The following TADA2A variants were observed in gnomAD, a reference collection of about 807,000 sequenced individuals.
TADA2A encodes transcriptional adapter 2-alpha.
A neutral mutation model predicts 67.4 loss-of-function variants in TADA2A; 38 were observed. That is an observed-to-expected ratio of 0.56 (90% CI 0.44 to 0.74). The LOEUF is 0.74. Among genes scored for constraint, TADA2A ranks in the 30% least tolerant of loss-of-function variants. The pLI, the probability that TADA2A is intolerant of heterozygous loss-of-function variation, is 0.00. For synonymous variants in TADA2A, 192 were observed against 181.6 expected (o/e 1.06, Z -0.46); for missense variants, 454 against 547.0 (o/e 0.83, Z 1.70).
rs375269486 is a variant in TADA2A at position 37,423,185 on chromosome 17, C to T, written c.26-324C>T. 5.3e-4 allele frequency among the ~76,000 whole-genome samples: 81 copies of T among 152,258 alleles called. 1 individual carries two copies. The South Asian group carries it at 0.016, about 30-fold the overall frequency. ...GTTTCAGGTTACAGTGAGCTATTGT[C>T]AAGCCACTGCACTCCAGCCTGGGTG... On this transcript the variant is annotated intron_variant, in intron 2 of 15. Coordinates refer to ENST00000615182, the MANE Select transcript of TADA2A (RefSeq NM_001166105.3).
chr17:37,444,587 C>T, intron 7 of TADA2A, 109 bp from the exon 8 acceptor site: 1 of 912,244 alleles, frequency 1.1e-6, no homozygotes, highest in South Asian at 1.6e-5. Context: ...ACTTTTTAAA[C>T]AACTGTTTGC....
At chr17:37,439,869 C>T (rs1487694052) in intron 5 of TADA2A, among the ~76,000 whole-genome samples, 1 of 151,394 alleles carries the variant, frequency 6.6e-6, no homozygotes, top group African/African-American at 2.4e-5. Context: ...TTCTGTAGGG[C>T]CTAGCTCACA....
At chr17:37,436,439 A>G (rs2052728564) in intron 4 of TADA2A, 1 of 152,140 alleles carries the variant, frequency 6.6e-6, no homozygotes, top group African/African-American at 2.4e-5. Context: ...GGCTCACTGC[A>G]GCCTCCACCT....
At position 37,440,586 on chromosome 17, in the gene TADA2A, T is replaced by C. The variant is rs781778824; in HGVS notation, c.366T>C (p.Pro122=). 1.2e-6 allele frequency: 2 copies of C among 1,614,080 alleles called. No homozygotes were observed. The highest frequency in any genetic ancestry group is 4.5e-5 in the East Asian group (2 of 44,878). ...KHYMKHFINN[P]LFASTLLNLK... ...ATATGAAGCATTTCATCAATAACCC[T>C]CTGTTTGCATCTACCCTGCTGAACC... The change falls in exon 6 of 16, where the codon CCT becomes CCC. Residue 122 remains proline, a synonymous_variant. Coordinates refer to ENST00000615182, the MANE Select transcript of TADA2A (RefSeq NM_001166105.3).
chr17:37,425,172 G>A (rs577131622), intron 3 of TADA2A, among the ~76,000 whole-genome samples: 2 of 152,280 alleles, frequency 1.3e-5, no homozygotes, highest in East Asian at 3.9e-4. Context: ...GAGCTACCAC[G>A]CCCGGCCATA....
At chr17:37,430,892 T>A (rs2052547876) in intron 4 of TADA2A, among the ~76,000 whole-genome samples, 2 of 152,312 alleles carry the variant, frequency 1.3e-5, no homozygotes, top group South Asian at 4.1e-4. Context: ...TGTCTTTTGG[T>A]ACTTGCTGAA....
At chr17:37,466,546 TCTA>T (rs761140685) in intron 11 of TADA2A, among the ~76,000 whole-genome samples, 2 of 152,242 alleles carry the variant, frequency 1.3e-5, no homozygotes, top group Non-Finnish European at 2.9e-5. Flanking sequence ...GGGAAGGTAG[TCTA>T]CTAAGGCCCT....
intron 12 of TADA2A, among the ~76,000 whole-genome samples, chr17:37,468,179 A>G (rs767885236): frequency 1.3e-5 from 2 of 152,144 alleles, no homozygotes; most frequent in Non-Finnish European, 2.9e-5. Context: ...TGAAGCTTCA[A>G]CTGGCTCCAG....
intron 8 of TADA2A, among the ~76,000 whole-genome samples, chr17:37,457,176 CTTTTTTT>C (rs34125875): frequency 3.8e-5 from 4 of 105,978 alleles, no homozygotes; most frequent in Non-Finnish European, 5.6e-5. Flanking sequence ...AATCATTATT[CTTTTTTT>C]TTTTTTTTTT....
chr17:37,475,016 A>G (rs1002815958), intron 15 of TADA2A, among the ~76,000 whole-genome samples: 1 of 152,212 alleles, frequency 6.6e-6, no homozygotes, highest in Non-Finnish European at 1.5e-5. Context: ...GGCTGCCTTG[A>G]AAAGTTCTAT....
At chr17:37,422,484 T>TGATGATAATGATGATG (rs2052270998) in intron 2 of TADA2A, among the ~76,000 whole-genome samples, 2 of 85,654 alleles carry the variant, frequency 2.3e-5, no homozygotes, top group African/African-American at 4.9e-5. Context: ...CCCAGCTGAT[T>TGATGATAATGATGATG]ATTATTATTA....
chr17:37,473,707 C>A (rs951657387), intron 14 of TADA2A, among the ~76,000 whole-genome samples: 1 of 152,222 alleles, frequency 6.6e-6, no homozygotes, highest in Non-Finnish European at 1.5e-5. Context: ...TGGCCAGTGA[C>A]CTCCTACTTG....
chr17:37,442,532 A>G, intron 6 of TADA2A, 32 bp from the exon 7 acceptor site: 2 of 1,537,884 alleles, frequency 1.3e-6, no homozygotes, highest in Non-Finnish European at 1.8e-6. Flanking sequence ...ATATTGTATT[A>G]GTTAACTCAG....
intron 10 of TADA2A, among the ~76,000 whole-genome samples, chr17:37,465,227 G>C (rs943840558): frequency 6.6e-6 from 1 of 152,116 alleles, no homozygotes; most frequent in Non-Finnish European, 1.5e-5. Flanking sequence ...CAACATCCCT[G>C]TGGGATAGTT....
intron 2 of TADA2A, among the ~76,000 whole-genome samples, chr17:37,422,481 G>GATGATGATGATGATGATGATT (rs1296355161): frequency 1.5e-4 from 21 of 136,988 alleles, no homozygotes; most frequent in African/African-American, 4.4e-4. Context: ...ATGCCCAGCT[G>GATGATGATGATGATGATGATT]ATTATTATTA....
intron 4 of TADA2A, among the ~76,000 whole-genome samples, chr17:37,432,386 C>T (rs981307691): frequency 2.0e-5 from 3 of 151,686 alleles, no homozygotes; most frequent in African/African-American, 4.8e-5. Flanking sequence ...AGATTGGTCT[C>T]GAACCCCTGA....
At position 37,465,337 on chromosome 17, in the gene TADA2A, C is replaced by G. The variant is rs904159101; in HGVS notation, c.713-94C>G. Reference sequence around the variant, plus strand: ...GTCATATGAGGTTATGAATAATGTTCTTCCATTTTACTAATTGTAAAAAAA... The same window carrying G: ...GTCATATGAGGTTATGAATAATGTTGTTCCATTTTACTAATTGTAAAAAAA... On this transcript the variant is annotated intron_variant, in intron 10 of 15. Transcript: ENST00000615182. 7.7e-6 allele frequency: 7 copies of G among 903,864 alleles called. No homozygotes were observed. In the African/African-American group the frequency reaches 1.2e-4, roughly 15 times the overall value. 56.0% of individuals were successfully genotyped at this position (903,864 alleles called of 1,614,324 possible). A position where few individuals can be genotyped will look rare whatever the true frequency, so the allele number is the denominator to read the frequency against.
At chr17:37,445,871 C>T (rs1192459637) in intron 8 of TADA2A, among the ~76,000 whole-genome samples, 1 of 151,892 alleles carries the variant, frequency 6.6e-6, no homozygotes, top group Non-Finnish European at 1.5e-5. Context: ...ATTTACATCC[C>T]AGGCAGGAAA....
intron 4 of TADA2A, among the ~76,000 whole-genome samples, chr17:37,431,484 A>T (rs1280050197): frequency 6.6e-6 from 1 of 152,190 alleles, no homozygotes; most frequent in Non-Finnish European, 1.5e-5. Context: ...ACATAATGGT[A>T]ATAAATTTCC....
Sources: gnomAD v4.1 joint callset for allele counts (sites outside exome capture counted in the v4.1 genomes callset) on GRCh38, gnomAD v4.1.1 for gene constraint, MANE v1.5 for transcripts, NCBI Gene and HGNC (gene_info 2026-07-23, HGNC 2026-07-21) for gene names.